TRAPPC9: variants seen among roughly 807,000 people sequenced by gnomAD.
TRAPPC9 encodes the protein trafficking protein particle complex subunit 9, also known as IKK2 binding protein.
A neutral mutation model predicts 124.0 loss-of-function variants in TRAPPC9; 83 were observed. The ratio of observed to expected loss-of-function variants is 0.67; its 90% CI spans 0.56 to 0.80. The LOEUF (loss-of-function observed/expected upper bound fraction) is 0.80, where lower values mean the gene tolerates loss of function less well. Among genes scored for constraint, TRAPPC9 ranks in the 30% least tolerant of loss-of-function variants. TRAPPC9 has a pLI of 0.00. For missense variants in TRAPPC9, 1,302 were observed against 1,508.3 expected (o/e 0.86, Z 2.27); for synonymous variants, 638 against 617.5 (o/e 1.03, Z -0.49).
At chr8:140,164,132 C>T (rs1195815371) in intron 17 of TRAPPC9, among the ~76,000 whole-genome samples, 1 of 152,170 alleles carries the variant, frequency 6.6e-6, no homozygotes, top group Non-Finnish European at 1.5e-5. Context: ...GCCAGGGCGG[C>T]TCCAGGCAGT....
rs751760360 is a variant in TRAPPC9, at chr8:140,063,224, C to T, written c.2557-39145G>A. Among the ~76,000 whole-genome samples, 21 of 152,270 alleles carry T rather than the reference C, an allele frequency of 1.4e-4. No individual in the cohort carries two copies. The highest frequency in any genetic ancestry group is 6.8e-3 in the Middle Eastern group (2 of 294). ...TGGGGCTTATGGAGATTATAATTTA[C>T]AGTGAGATTCGGGTGGGAGCACAAA... is the stretch of plus-strand genomic sequence containing the variant. On this transcript the variant is annotated intron_variant, in intron 17 of 22. Transcript: ENST00000438773. This position sits in a 1 kb window ranked among gnomAD's most constrained non-coding sequence, Gnocchi z 4.3.
chr8:140,046,502 G>A (rs576216068), intron 17 of TRAPPC9, among the ~76,000 whole-genome samples: 1 of 152,342 alleles, frequency 6.6e-6, no homozygotes, highest in Non-Finnish European at 1.5e-5. Context: ...CTGGCTAGAA[G>A]GTAGGAGGTT....
At chr8:140,028,420 C>T (rs1840289211) in intron 17 of TRAPPC9, among the ~76,000 whole-genome samples, 1 of 152,180 alleles carries the variant, frequency 6.6e-6, no homozygotes, top group South Asian at 2.1e-4. Flanking sequence ...AGTACCTACT[C>T]CATGCCAAGT....
chr8:140,245,006 A>G (rs2063946167), intron 16 of TRAPPC9, among the ~76,000 whole-genome samples: 1 of 151,734 alleles, frequency 6.6e-6, no homozygotes, highest in African/African-American at 2.4e-5. Context: ...GGGTTTCACC[A>G]TGTTGGCCAG....
intron 8 of TRAPPC9, among the ~76,000 whole-genome samples, chr8:140,365,759 T>G (rs906937693): frequency 1.2e-4 from 18 of 152,404 alleles, no homozygotes; most frequent in African/African-American, 4.3e-4. Flanking sequence ...TTGTAACATC[T>G]AATAAGGACA....
intron 14 of TRAPPC9, among the ~76,000 whole-genome samples, chr8:140,282,431 A>C (rs972158778): frequency 2.0e-5 from 3 of 148,052 alleles, no homozygotes; most frequent in African/African-American, 5.0e-5. Flanking sequence ...TGAACCCGGG[A>C]GGTGAAGGTT....
At chr8:140,411,459 A>G (rs945084357) in intron 5 of TRAPPC9, among the ~76,000 whole-genome samples, 5 of 152,164 alleles carry the variant, frequency 3.3e-5, no homozygotes, top group Non-Finnish European at 7.3e-5. Context: ...CTCCTGCCTC[A>G]GCCTCCCAAG....
intron 21 of TRAPPC9, among the ~76,000 whole-genome samples, chr8:139,836,675 T>G (rs1826378393): frequency 6.6e-6 from 1 of 152,190 alleles, no homozygotes; most frequent in Non-Finnish European, 1.5e-5. Flanking sequence ...ATTTGGGACA[T>G]TCTGTGGAAT....
chr8:140,289,926 A>G (rs886178400), intron 12 of TRAPPC9, among the ~76,000 whole-genome samples: 4 of 152,214 alleles, frequency 2.6e-5, no homozygotes, highest in African/African-American at 9.6e-5. Context: ...AGATTTCGGG[A>G]AACTATGCCA....
chr8:140,249,001 C>T (rs1158335385), intron 16 of TRAPPC9, among the ~76,000 whole-genome samples: 1 of 148,844 alleles, frequency 6.7e-6, no homozygotes, highest in Non-Finnish European at 1.5e-5. Flanking sequence ...ATCTATATCT[C>T]TTTATCTAAA....
chr8:140,174,376 C>T (rs1453032812), intron 17 of TRAPPC9, among the ~76,000 whole-genome samples: 1 of 133,580 alleles, frequency 7.5e-6, no homozygotes, highest in Admixed American at 7.7e-5. Context: ...TACCCCCAAA[C>T]GTAAAAGTTA....
upstream of TRAPPC9, chr8:140,458,565 G>A: frequency 6.4e-7 from 1 of 1,571,182 alleles, no homozygotes; most frequent in South Asian, 1.2e-5. Flanking sequence ...CTGGCACCAT[G>A]GCACTCCCGA....
intron 21 of TRAPPC9, among the ~76,000 whole-genome samples, chr8:139,782,334 C>T (rs551053956): frequency 1.9e-4 from 29 of 152,256 alleles, no homozygotes; most frequent in African/African-American, 6.3e-4. Context: ...GAGCAGAGAT[C>T]GTGCCACTGC....
intron 20 of TRAPPC9, among the ~76,000 whole-genome samples, chr8:139,895,322 T>G (rs2131181244): frequency 6.6e-6 from 1 of 152,208 alleles, no homozygotes; most frequent in African/African-American, 2.4e-5. Context: ...ATGAGAAGTT[T>G]CCCAAGATAT....
At position 140,116,700 on chromosome 8, in the gene TRAPPC9, C is replaced by T. The variant is rs543135317; in HGVS notation, c.2557-92621G>A. On this transcript the variant is annotated intron_variant, in intron 17 of 22. Coordinates refer to ENST00000438773, the MANE Select transcript of TRAPPC9 (RefSeq NM_001160372.4). ...GAGAAGTAACCCCAGGCGCTGCCCA[C>T]GTCTGGGGTACACACTTCTGGCAGC... Among the ~76,000 whole-genome samples the T allele has an allele frequency of 4.6e-5, 7 of 152,292 alleles. No homozygotes were observed. In the East Asian group the frequency reaches 1.2e-3, roughly 25 times the overall value.
At chr8:139,759,422 G>A (rs780016746) in intron 21 of TRAPPC9, among the ~76,000 whole-genome samples, 5 of 152,222 alleles carry the variant, frequency 3.3e-5, no homozygotes, top group African/African-American at 4.8e-5. Flanking sequence ...AGGCAGAGGA[G>A]GAGGCACCTT....
rs187865714 is a variant in TRAPPC9 at position 139,852,027 on chromosome 8, C to T, written c.3055+33852G>A. 6.8e-4 allele frequency among the ~76,000 whole-genome samples: 104 copies of T among 152,238 alleles called. 1 individual carries two copies. In the East Asian group the frequency reaches 0.018, roughly 26 times the overall value. ...ATTCCCATGTGCTGTGGGAGAGTCCCCGTGGGAGGTAATTGAATCATGGGG... is the reference window on the plus strand; with the variant it reads ...ATTCCCATGTGCTGTGGGAGAGTCCTCGTGGGAGGTAATTGAATCATGGGG... On this transcript the variant is annotated intron_variant, in intron 21 of 22. Coordinates refer to ENST00000438773, the MANE Select transcript of TRAPPC9 (RefSeq NM_001160372.4).
rs528522930 is a variant in TRAPPC9 at position 140,162,387 on chromosome 8, C to T, written c.2556+59072G>A. 7.9e-5 allele frequency among the ~76,000 whole-genome samples: 12 copies of T among 152,300 alleles called. No homozygotes were observed. The East Asian group carries it at 1.7e-3, about 22-fold the overall frequency. On this transcript the variant is annotated intron_variant, in intron 17 of 22. Coordinates refer to ENST00000438773, the MANE Select transcript of TRAPPC9 (RefSeq NM_001160372.4). The stretch of plus-strand genomic sequence containing the variant: ...CTTGCGTGGAAGGCTTTTCTACGTA[C>T]TCTAACCTAGGCCAGTACTGCTTCC...
chr8:140,289,076 C>T (rs2065571560), intron 12 of TRAPPC9, among the ~76,000 whole-genome samples: 2 of 152,098 alleles, frequency 1.3e-5, no homozygotes, highest in Non-Finnish European at 2.9e-5. Context: ...CGAGGGTCCC[C>T]GTGAACAGGG....
Sources: gnomAD v4.1 joint callset for allele counts (sites outside exome capture counted in the v4.1 genomes callset) on GRCh38, gnomAD v4.1.1 for gene constraint, Gnocchi (gnomAD v3.1) non-coding constraint, MANE v1.5 for transcripts, NCBI Gene and HGNC (gene_info 2026-07-23, HGNC 2026-07-21) for gene names.